The following LIFR variants were observed in gnomAD, a reference collection of about 807,000 sequenced individuals.
LIFR encodes LIF receptor subunit alpha, also known as leukemia inhibitory factor receptor.
LIFR carries 84 observed loss-of-function variants against 122.2 expected under a neutral mutation model. The ratio of observed to expected loss-of-function variants is 0.69; its 90% CI spans 0.58 to 0.82. The LOEUF (loss-of-function observed/expected upper bound fraction) is 0.82. Ranked by LOEUF, LIFR falls within the 40% of genes least tolerant of loss-of-function variation. LIFR has a pLI of 0.00. For synonymous variants in LIFR, 422 were observed against 434.7 expected, an observed-to-expected ratio of 0.97 and a Z score of 0.36; for missense variants, 1,294 against 1,311.6, an observed-to-expected ratio of 0.99 and a Z score of 0.21.
chr5:38,587,828 C>T (rs961022708), intron 1 of LIFR, among the ~76,000 whole-genome samples: 3 of 152,148 alleles, frequency 2.0e-5, no homozygotes, highest in East Asian at 1.9e-4. Flanking sequence ...TCATTCTAGT[C>T]GGGGCAACTT....
Position 38,481,730 on chromosome 5 carries a change from C to G in LIFR, c.3159G>C (p.Glu1053Asp). 6.2e-7 allele frequency: 1 copy of G among 1,614,170 alleles called. No individual in the cohort carries two copies. Among genetic ancestry groups the G allele is most frequent in the Non-Finnish European group, 8.5e-7 (1 of 1,180,030 alleles). The change falls in exon 20 of 20, where the codon GAG becomes GAC. Residue 1053 changes from glutamate to aspartate, a missense_variant. By Grantham distance (45) the Glu-to-Asp change is conservative. Coordinates refer to ENST00000453190, the MANE Select transcript of LIFR (RefSeq NM_001127671.2). ...AGCATGGACTTCCAAATGAGACAATCTCACTGTTGCTGTCTATGGATCTAG... is the reference window on the plus strand; with the variant it reads ...AGCATGGACTTCCAAATGAGACAATGTCACTGTTGCTGTCTATGGATCTAG... Reference protein sequence around the residue: ...DSPRSIDSNSEIVSFGSPCSI... With the variant: ...DSPRSIDSNSDIVSFGSPCSI...
rs1488342199 is a variant in LIFR at position 38,482,621 on chromosome 5, T to C, written c.2638A>G (p.Lys880Glu). ...YPDIPNPENC[K>E]ALQFQKSVCE... ...ACACTCTTTTGAAACTGTAATGCTT[T>C]ACAGTTTTCTGGATTTGGAATATCA... Residue 880 changes from lysine to glutamate, a missense_variant, in exon 19 of 20, where the codon AAA (lysine) becomes GAA (glutamate). By Grantham distance (56) the Lys-to-Glu change is moderately conservative. Transcript: ENST00000453190. The C allele has an allele frequency of 6.7e-7, 1 of 1,502,120 alleles. No homozygotes were observed. The highest frequency in any genetic ancestry group is 9.1e-7 in the Non-Finnish European group (1 of 1,104,886). The allele number at this position is 1,502,120 out of a possible 1,614,324, so 93.0% of individuals were successfully genotyped here. A position where few individuals can be genotyped will look rare whatever the true frequency, so the allele number is the denominator to read the frequency against.
chr5:38,554,513 C>T (rs1363603788), intron 1 of LIFR, among the ~76,000 whole-genome samples: 1 of 152,224 alleles, frequency 6.6e-6, no homozygotes, highest in Admixed American at 6.5e-5. Context: ...TATGGTCCAT[C>T]CCTAATGGAG....
intron 5 of LIFR, 72 bp downstream of exon 5, chr5:38,523,347 C>A: frequency 1.6e-6 from 2 of 1,288,158 alleles, no homozygotes; most frequent in South Asian, 1.3e-5. Flanking sequence ...ACTGATACCA[C>A]CTTAAGGCTT....
chr5:38,603,058 G>A lies in LIFR; in HGVS notation n.305+3147C>T, dbSNP rs746429411. On this transcript the variant is annotated intron_variant and non_coding_transcript_variant, in intron 2 of 3. Transcript: ENST00000507786. Reference sequence around the variant, plus strand: ...AAGGCAGGCACTGTGCACGCGGGCCGCCCACCCGAAGGAAAGAATCACCCT... The same window carrying A: ...AAGGCAGGCACTGTGCACGCGGGCCACCCACCCGAAGGAAAGAATCACCCT... Among the ~76,000 whole-genome samples the A allele has an allele frequency of 8.5e-5, 13 of 152,078 alleles. No homozygotes were observed. In the East Asian group the frequency reaches 1.5e-3, roughly 18 times the overall value.
Position 38,478,453 on chromosome 5 carries a change from A to C in LIFR, c.*3142T>G. The C allele has an allele frequency of 4.7e-6, 1 of 214,334 alleles. No homozygotes were observed. Among genetic ancestry groups the C allele is most frequent in the East Asian group, 6.9e-5 (1 of 14,490 alleles). 13.3% of individuals were successfully genotyped at this position (214,334 alleles called of 1,614,324 possible). A position where few individuals can be genotyped will look rare whatever the true frequency, so the allele number is the denominator to read the frequency against. On this transcript the variant is annotated 3_prime_UTR_variant, in exon 20 of 20. Coordinates refer to ENST00000453190, the MANE Select transcript of LIFR (RefSeq NM_001127671.2). ...ACATAAACACACAACTCAACTATCC[A>C]GATACTCAGGGCCACAATCTCAAAT...
At chr5:38,528,064 A>G (rs1746786213) in intron 3 of LIFR, among the ~76,000 whole-genome samples, 1 of 152,204 alleles carries the variant, frequency 6.6e-6, no homozygotes, top group Non-Finnish European at 1.5e-5. Flanking sequence ...TTTAGGCATC[A>G]GCAATGCAAA....
intron 1 of LIFR, among the ~76,000 whole-genome samples, chr5:38,572,635 G>A (rs1048822170): frequency 1.3e-5 from 2 of 152,130 alleles, no homozygotes; most frequent in African/African-American, 4.8e-5. Flanking sequence ...CTGAAGGGGG[G>A]TCAGAATATC....
intron 1 of LIFR, among the ~76,000 whole-genome samples, chr5:38,555,320 T>G (rs1369455488): frequency 6.6e-6 from 1 of 152,160 alleles, no homozygotes; most frequent in African/African-American, 2.4e-5. Context: ...GAAGGGCAAG[T>G]AGCATTCGCG....
In LIFR at chr5:38,528,838, C is replaced by A; in HGVS notation, c.145G>T (p.Ala49Ser). ...GTTACACACTTCAAATCATGAGGAG[C>A]CCCTGGAGGAGACACACACACACAC... ...MNQVNSQKKGAPHDLKCVTNN... is the reference protein window; with the variant it reads ...MNQVNSQKKGSPHDLKCVTNN... Residue 49 changes from alanine to serine, a missense_variant and splice_region_variant, in exon 3 of 20, where the codon GCT becomes TCT. Physicochemically the swap from Ala to Ser is moderately conservative, Grantham distance 99. Coordinates refer to ENST00000453190, the MANE Select transcript of LIFR (RefSeq NM_001127671.2). 2 of 1,504,348 alleles carry A rather than the reference C, an allele frequency of 1.3e-6. No homozygotes were observed. The highest frequency in any genetic ancestry group is 1.9e-5 in the Admixed American group (1 of 51,678). 93.2% of individuals were successfully genotyped at this position (1,504,348 alleles called of 1,614,324 possible).
intron 1 of LIFR, among the ~76,000 whole-genome samples, chr5:38,547,217 GAGAT>G (rs765546975): frequency 9.9e-5 from 15 of 152,228 alleles, no homozygotes; most frequent in South Asian, 2.1e-4. Flanking sequence ...CCAGTGTGAC[GAGAT>G]AGATAGAATA....
At chr5:38,536,869 T>C (rs1187541709) in intron 1 of LIFR, among the ~76,000 whole-genome samples, 1 of 152,236 alleles carries the variant, frequency 6.6e-6, no homozygotes, top group Non-Finnish European at 1.5e-5. Flanking sequence ...TGCTACATTA[T>C]AAAGACAAAT....
In LIFR at chr5:38,479,755, G is replaced by C. The variant is rs190209875; in HGVS notation, c.*1840C>G. ...GTCTGATGTCTGGGGTGGAAGCTAA[G>C]GGAAGGAGCCAAAGAGGATACAAAG... On this transcript the variant is annotated 3_prime_UTR_variant, in exon 20 of 20. Coordinates refer to ENST00000453190, the MANE Select transcript of LIFR (RefSeq NM_001127671.2). 292 of 231,762 alleles carry C rather than the reference G, an allele frequency of 1.3e-3. 2 individuals are homozygous for C. In the South Asian group the frequency reaches 0.023, roughly 18 times the overall value. 14.4% of individuals were successfully genotyped at this position (231,762 alleles called of 1,614,324 possible).
intron 1 of LIFR, among the ~76,000 whole-genome samples, chr5:38,592,695 T>C (rs1397750143): frequency 6.6e-6 from 1 of 151,130 alleles, no homozygotes; most frequent in Non-Finnish European, 1.5e-5. Flanking sequence ...GACGGCACCA[T>C]ATGTGCACAT....
chr5:38,531,837 T>A (rs1050425486), intron 1 of LIFR, among the ~76,000 whole-genome samples: 1 of 152,206 alleles, frequency 6.6e-6, no homozygotes, highest in Admixed American at 6.5e-5. Context: ...TGTCAAGTAC[T>A]GTCAAAAACC....
At chr5:38,591,478 T>A (rs150647128) in intron 1 of LIFR, among the ~76,000 whole-genome samples, 1 of 152,256 alleles carries the variant, frequency 6.6e-6, no homozygotes, top group Non-Finnish European at 1.5e-5. Context: ...TCCACACTAA[T>A]GTTTTGGACT....
rs1743861608 is a variant in LIFR, at chr5:38,479,192, G to C, written c.*2403C>G. ...GTCTAGCTGTCTTGAATTCAATGAG[G>C]GAAAAGAAGGAAAACTGCTTTGGCC... On this transcript the variant is annotated 3_prime_UTR_variant, in exon 20 of 20. Coordinates refer to ENST00000453190, the MANE Select transcript of LIFR (RefSeq NM_001127671.2). 4.3e-6 allele frequency: 1 copy of C among 231,534 alleles called. No homozygotes were observed. Among genetic ancestry groups the C allele is most frequent in the Admixed American group, 5.6e-5 (1 of 17,726 alleles). The allele number at this position is 231,534 out of a possible 1,614,324, so 14.3% of individuals were successfully genotyped here.
intron 1 of LIFR, among the ~76,000 whole-genome samples, chr5:38,592,314 G>A (rs1220290182): frequency 6.6e-6 from 1 of 152,066 alleles, no homozygotes; most frequent in Non-Finnish European, 1.5e-5. Flanking sequence ...AGAATTAAAA[G>A]GTATAGACAA....
At chr5:38,564,735 T>TACACACACACACACACAC (rs3047301) in intron 1 of LIFR, among the ~76,000 whole-genome samples, 3 of 137,406 alleles carry the variant, frequency 2.2e-5, no homozygotes, top group East Asian at 2.1e-4. Context: ...ACACACACAC[T>TACACACACACACACACAC]ACACACACAC....
Sources: allele counts gnomAD v4.1 joint callset (sites outside exome capture counted in the v4.1 genomes callset), GRCh38; gene constraint gnomAD v4.1.1; transcripts MANE v1.5; gene names NCBI Gene and HGNC (gene_info 2026-07-23, HGNC 2026-07-21).